Variants in TBCEL observed in about 807,000 individuals in gnomAD.
TBCEL encodes tubulin-specific chaperone cofactor E-like protein.
In TBCEL, 15 loss-of-function variants were observed where a neutral mutation model predicts 44.2. The ratio of observed to expected loss-of-function variants is 0.34; its 90% CI spans 0.23 to 0.52. The LOEUF (loss-of-function observed/expected upper bound fraction) is 0.52, where lower values mean the gene tolerates loss of function less well. Ranked by LOEUF, TBCEL falls within the 20% of genes least tolerant of loss-of-function variation. The probability of loss-of-function intolerance (pLI) is 0.95; values close to 1 mark genes in which losing one functional copy is unlikely to be tolerated. For missense variants in TBCEL, 319 were observed against 506.3 expected, an observed-to-expected ratio of 0.63 and a Z score of 3.55; for synonymous variants, 171 against 185.4, an observed-to-expected ratio of 0.92 and a Z score of 0.63.
chr11:121,074,129 C>T (rs1320379358), intron 8 of TBCEL, among the ~76,000 whole-genome samples: 1 of 151,754 alleles, frequency 6.6e-6, no homozygotes, highest in East Asian at 1.9e-4. Context: ...TTAATAGTCA[C>T]TTACGATTTG....
chr11:121,032,424 T>C (rs1945162518), intron 1 of TBCEL, among the ~76,000 whole-genome samples: 1 of 152,262 alleles, frequency 6.6e-6, no homozygotes, highest in South Asian at 2.1e-4. Context: ...ATTAGGTTCC[T>C]GCGAGCCTCT....
rs189891898 is a variant in TBCEL at position 121,090,657 on chromosome 11, A to G, written c.*3561A>G. The G allele has an allele frequency of 6.7e-5, 10 of 149,612 alleles. No individual in the cohort carries two copies. The highest frequency in any genetic ancestry group is 5.3e-4 in the Admixed American group (8 of 14,974). 9.3% of individuals were successfully genotyped at this position (149,612 alleles called of 1,614,324 possible). Reference sequence around the variant, plus strand: ...TCTCCCGCAGTTAATGGAAATATATATACATATATATATATATTTTATTTA... The same window carrying G: ...TCTCCCGCAGTTAATGGAAATATATGTACATATATATATATATTTTATTTA... On this transcript the variant is annotated 3_prime_UTR_variant, in exon 9 of 9. Transcript: ENST00000683345.
intron 6 of TBCEL, 73 bp downstream of exon 6, chr11:121,055,381 A>C: frequency 1.4e-6 from 2 of 1,383,798 alleles, no homozygotes; most frequent in South Asian, 3.9e-5. Context: ...ATGAAAGTAT[A>C]TTTCTTTCAG....
At chr11:121,060,871 C>T (rs1302152735) in intron 8 of TBCEL, among the ~76,000 whole-genome samples, 1 of 151,888 alleles carries the variant, frequency 6.6e-6, no homozygotes, top group Non-Finnish European at 1.5e-5. Context: ...ATGTGAGTCA[C>T]ATTAGTTGTT....
intron 8 of TBCEL, among the ~76,000 whole-genome samples, chr11:121,073,627 G>A (rs1256189844): frequency 7.9e-5 from 12 of 151,438 alleles, no homozygotes; most frequent in African/African-American, 1.7e-4. Flanking sequence ...TTTAAAATGC[G>A]CAGTAAAAGA....
intron 1 of TBCEL, among the ~76,000 whole-genome samples, chr11:121,034,883 A>G (rs1945203737): frequency 6.6e-6 from 1 of 152,174 alleles, no homozygotes; most frequent in Admixed American, 6.5e-5. Context: ...TCTCTAAAGT[A>G]TATATTGAGT....
chr11:121,027,486 G>A (rs1945066887), intron 1 of TBCEL, among the ~76,000 whole-genome samples: 1 of 152,096 alleles, frequency 6.6e-6, no homozygotes, highest in South Asian at 2.1e-4. Context: ...TAAAGCCCAT[G>A]GTGTTTAGCT....
chr11:121,072,038 G>T (rs1488645449), intron 8 of TBCEL, among the ~76,000 whole-genome samples: 1 of 152,138 alleles, frequency 6.6e-6, no homozygotes. Context: ...AACAAAAGGG[G>T]CATTCTCCTT....
At chr11:121,057,432 T>C (rs1565499186) in intron 6 of TBCEL, 20 of 281,268 alleles carry the variant, frequency 7.1e-5, no homozygotes, top group South Asian at 6.4e-4. Context: ...ATTTTAGGAC[T>C]AAAAATCTTA....
chr11:121,060,123 G>T, intron 8 of TBCEL, 38 bp downstream of exon 8: 2 of 1,449,624 alleles, frequency 1.4e-6, no homozygotes, highest in Non-Finnish European at 1.9e-6. Flanking sequence ...TTTAGAGGGT[G>T]GTGATGCCAG....
chr11:121,043,864 A>G (rs562121057), intron 2 of TBCEL, among the ~76,000 whole-genome samples: 98 of 152,028 alleles, frequency 6.4e-4, no homozygotes, highest in South Asian at 1.9e-3. Context: ...TGGTGTCCAA[A>G]TCTTCATCTT....
chr11:121,031,035 A>T (rs1195496097), intron 1 of TBCEL, among the ~76,000 whole-genome samples: 1 of 152,136 alleles, frequency 6.6e-6, no homozygotes, highest in African/African-American at 2.4e-5. Context: ...TTATGAATAT[A>T]TTGTAATTTA....
chr11:121,053,756 G>A (rs377485951), intron 5 of TBCEL, 24 bp downstream of exon 5: 67 of 1,608,490 alleles, frequency 4.2e-5, no homozygotes, highest in Middle Eastern at 1.7e-4. Context: ...GCATGAGGGC[G>A]AGGGAGTTAT....
At chr11:121,057,239 G>A (rs1945638325) in intron 6 of TBCEL, among the ~76,000 whole-genome samples, 1 of 151,704 alleles carries the variant, frequency 6.6e-6, no homozygotes, top group African/African-American at 2.4e-5. Flanking sequence ...CTTTACCCTT[G>A]CTGAAGGTTG....
chr11:121,066,999 A>G (rs955673971), intron 8 of TBCEL, among the ~76,000 whole-genome samples: 7 of 152,230 alleles, frequency 4.6e-5, no homozygotes, highest in Admixed American at 3.9e-4. Flanking sequence ...AACTTCCACT[A>G]CAGCCTTCCT....
intron 8 of TBCEL, among the ~76,000 whole-genome samples, chr11:121,085,988 T>C (rs574509735): frequency 6.6e-6 from 1 of 152,314 alleles, no homozygotes; most frequent in South Asian, 2.1e-4. Flanking sequence ...ATTAATTTTT[T>C]TCAGCATTTT....
At chr11:121,054,942 A>G (rs1431124985) in intron 5 of TBCEL, 110 bp from the exon 6 acceptor site, 5 of 1,109,740 alleles carry the variant, frequency 4.5e-6, no homozygotes, top group Non-Finnish European at 5.9e-6. Flanking sequence ...AATTCCTAGC[A>G]GAGTCTCACA....
chr11:121,080,339 A>G (rs1176346041), intron 8 of TBCEL, among the ~76,000 whole-genome samples: 1 of 152,188 alleles, frequency 6.6e-6, no homozygotes, highest in East Asian at 1.9e-4. Flanking sequence ...ACTTGAGACT[A>G]CTATGTAAGC....
At chr11:121,064,914 C>T (rs537189921) in intron 8 of TBCEL, among the ~76,000 whole-genome samples, 1 of 152,170 alleles carries the variant, frequency 6.6e-6, no homozygotes, top group East Asian at 1.9e-4. Flanking sequence ...GCAAGCTCTG[C>T]CTCCCGGGTT....
Sources: gnomAD v4.1 joint callset for allele counts (sites outside exome capture counted in the v4.1 genomes callset) on GRCh38, gnomAD v4.1.1 for gene constraint, MANE v1.5 for transcripts, NCBI Gene and HGNC (gene_info 2026-07-23, HGNC 2026-07-21) for gene names.